ZNF560: variants seen among roughly 807,000 people sequenced by gnomAD.
ZNF560 encodes the protein zinc finger protein 560.
A neutral mutation model predicts 81.8 loss-of-function variants in ZNF560; 54 were observed. The ratio of observed to expected loss-of-function variants is 0.66; its 90% confidence interval spans 0.53 to 0.83. The LOEUF (loss-of-function observed/expected upper bound fraction) is 0.83. ZNF560 is among the 40% of genes least tolerant of loss of function. The pLI, the probability that ZNF560 is intolerant of heterozygous loss-of-function variation, is 0.00. For missense variants in ZNF560, 940 were observed against 932.4 expected (o/e 1.01, Z -0.11); for synonymous variants, 321 against 317.9 (o/e 1.01, Z -0.10).
the ZNF560 span, among the ~76,000 whole-genome samples, chr19:9,448,395 CTTTTTT>C: frequency 1.1e-5 from 1 of 89,808 alleles, no homozygotes; most frequent in Admixed American, 1.3e-4. Context: ...CCATGCCTGG[CTTTTTT>C]TTTTTTTTTT....
intron 7 of ZNF560, 109 bp downstream of exon 7, chr19:9,470,283 G>A (rs867210792): frequency 1.1e-5 from 16 of 1,453,592 alleles, no homozygotes; most frequent in East Asian, 9.1e-5. Flanking sequence ...TTTTCAGTGT[G>A]TATATATCCC....
At chr19:9,479,510 A>G (rs995099805) in intron 2 of ZNF560, among the ~76,000 whole-genome samples, 5 of 152,230 alleles carry the variant, frequency 3.3e-5, no homozygotes, top group Admixed American at 1.3e-4. Context: ...AAAGGTCGTT[A>G]TATGATAATA....
chr19:9,457,422 T>C, the ZNF560 span, among the ~76,000 whole-genome samples: 1 of 152,214 alleles, frequency 6.6e-6, no homozygotes, highest in Non-Finnish European at 1.5e-5. Flanking sequence ...AGCGTTTTAA[T>C]TGGAAAGTGT....
chr19:9,460,143 G>A, the ZNF560 span, among the ~76,000 whole-genome samples: 1 of 152,136 alleles, frequency 6.6e-6, no homozygotes, highest in South Asian at 2.1e-4. Context: ...GCCCTACTAT[G>A]AGCCAGATAA....
At chr19:9,460,118 A>G in the ZNF560 span, among the ~76,000 whole-genome samples, 50 of 152,322 alleles carry the variant, frequency 3.3e-4, no homozygotes, top group African/African-American at 1.1e-3. Flanking sequence ...TTTGGGTGCC[A>G]TCGAGATATC....
Position 9,484,289 on chromosome 19 carries a change from T to TA in ZNF560, c.-56-8921dup, listed in dbSNP as rs764343651. Among the ~76,000 whole-genome samples, 516 of 134,776 alleles carry TA rather than the reference T, an allele frequency of 3.8e-3. 2 individuals are homozygous for TA. The highest frequency in any genetic ancestry group is 0.011 in the African/African-American group (389 of 36,434). 88.4% of individuals were successfully genotyped at this position (134,776 alleles called of 152,430 possible). A position where few individuals can be genotyped will look rare whatever the true frequency, so the allele number is the denominator to read the frequency against. On this transcript the variant is annotated intron_variant, in intron 2 of 9. Coordinates refer to ENST00000301480, the MANE Select transcript of ZNF560 (RefSeq NM_152476.3). ...TGAGAAACACCCAAGAATGATCAAT[T>TA]AAAAAAAAAAAAAAGAAACAGAAGA...
At chr19:9,464,230 T>C (rs1377137279), downstream of ZNF560, among the ~76,000 whole-genome samples, 1 of 151,832 alleles carries the variant, frequency 6.6e-6, no homozygotes, top group Non-Finnish European at 1.5e-5. Flanking sequence ...TGATCATCCA[T>C]GTTCACAGGA....
At chr19:9,481,168 G>T (rs1429416168) in intron 2 of ZNF560, among the ~76,000 whole-genome samples, 1 of 151,674 alleles carries the variant, frequency 6.6e-6, no homozygotes, top group Non-Finnish European at 1.5e-5. Context: ...ACAAGAAATG[G>T]GAAAAGGATT....
the ZNF560 span, among the ~76,000 whole-genome samples, chr19:9,505,297 C>CT: frequency 6.6e-6 from 1 of 152,150 alleles, no homozygotes; most frequent in Non-Finnish European, 1.5e-5. Flanking sequence ...AAGTCTTTTA[C>CT]TTAAAGTTCG....
At chr19:9,452,844 C>T in the ZNF560 span, among the ~76,000 whole-genome samples, 75 of 152,264 alleles carry the variant, frequency 4.9e-4, no homozygotes, top group East Asian at 0.012. Context: ...ATCACAAACC[C>T]CAGCAATACA....
chr19:9,453,327 TTTG>T, the ZNF560 span, among the ~76,000 whole-genome samples: 4 of 152,226 alleles, frequency 2.6e-5, no homozygotes, highest in African/African-American at 7.2e-5. Context: ...CCTGTGATAA[TTTG>T]TTATGTCAAC....
At chr19:9,469,240 T>A in intron 8 of ZNF560, 53 bp from the exon 9 acceptor site, 1 of 1,368,248 alleles carries the variant, frequency 7.3e-7, no homozygotes, top group Non-Finnish European at 1.0e-6. Context: ...AATGGTAGGT[T>A]AAATAAAAAG....
At chr19:9,454,707 T>G in the ZNF560 span, among the ~76,000 whole-genome samples, 1 of 152,106 alleles carries the variant, frequency 6.6e-6, no homozygotes, top group South Asian at 2.1e-4. Context: ...TGTAGAGGTC[T>G]GGGAGGAGGT....
chr19:9,461,380 C>T (rs958690453), downstream of ZNF560, among the ~76,000 whole-genome samples: 1 of 152,128 alleles, frequency 6.6e-6, no homozygotes, highest in African/African-American at 2.4e-5. Context: ...ACCGGCGAAG[C>T]TTTCCCATCC....
At chr19:9,454,835 G>A in the ZNF560 span, among the ~76,000 whole-genome samples, 3 of 150,658 alleles carry the variant, frequency 2.0e-5, no homozygotes, top group African/African-American at 7.5e-5. Context: ...ATGATGAGGA[G>A]GAAGGAGACA....
At chr19:9,447,876 A>C in the ZNF560 span, among the ~76,000 whole-genome samples, 1 of 152,182 alleles carries the variant, frequency 6.6e-6, no homozygotes, top group African/African-American at 2.4e-5. Context: ...CACCTGCCAG[A>C]TACTACATAA....
At chr19:9,449,169 C>T in the ZNF560 span, among the ~76,000 whole-genome samples, 2 of 152,188 alleles carry the variant, frequency 1.3e-5, no homozygotes, top group African/African-American at 2.4e-5. Flanking sequence ...ATCCACAGAA[C>T]ATTCTACCCA....
chr19:9,495,250 T>C (rs1459578243), intron 2 of ZNF560, among the ~76,000 whole-genome samples: 4 of 152,138 alleles, frequency 2.6e-5, no homozygotes, highest in African/African-American at 9.7e-5. Flanking sequence ...GACTATAGAA[T>C]TTGATGACTG....
intron 2 of ZNF560, among the ~76,000 whole-genome samples, chr19:9,495,991 A>G (rs1288468132): frequency 6.6e-6 from 1 of 152,232 alleles, no homozygotes; most frequent in Non-Finnish European, 1.5e-5. Context: ...CAAATGGTAC[A>G]AGACCTATGG....
Sources: allele counts gnomAD v4.1 joint callset (sites outside exome capture counted in the v4.1 genomes callset), GRCh38; gene constraint gnomAD v4.1.1; transcripts MANE v1.5; gene names NCBI Gene and HGNC (gene_info 2026-07-23, HGNC 2026-07-21).